The following PLXNA2 variants were observed in gnomAD, a reference collection of about 807,000 sequenced individuals.
The protein encoded by PLXNA2 is plexin-A2.
Under a neutral mutation model 193.5 loss-of-function variants are expected in PLXNA2, and 91 were observed. The observed-to-expected ratio is 0.47, with a 90% CI of 0.40 to 0.56. PLXNA2 has a LOEUF of 0.56. PLXNA2 is among the 20% of genes least tolerant of loss of function. The probability of loss-of-function intolerance (pLI) is 0.00; values close to 1 mark genes in which losing one functional copy is unlikely to be tolerated. For synonymous variants in PLXNA2, 997 were observed against 1,027.3 expected (o/e 0.97, Z 0.56); for missense variants, 1,995 against 2,503.2 (o/e 0.80, Z 4.33).
At chr1:208,169,706 G>T (rs1669431024) in intron 3 of PLXNA2, among the ~76,000 whole-genome samples, 1 of 152,170 alleles carries the variant, frequency 6.6e-6, no homozygotes, top group Non-Finnish European at 1.5e-5. Flanking sequence ...GAGAAAAGGG[G>T]CTTCTATCAG....
intron 4 of PLXNA2, among the ~76,000 whole-genome samples, chr1:208,109,585 A>G (rs1354976620): frequency 6.6e-6 from 1 of 152,188 alleles, no homozygotes; most frequent in Non-Finnish European, 1.5e-5. Context: ...AAGAGAGGAC[A>G]GGTATTGTTA....
chr1:208,058,945 C>A lies in PLXNA2; in HGVS notation c.2738+1741G>T, dbSNP rs150152094. Among the ~76,000 whole-genome samples the A allele has an allele frequency of 7.9e-5, 12 of 152,310 alleles. No homozygotes were observed. The East Asian group carries it at 1.7e-3, about 22-fold the overall frequency. On this transcript the variant is annotated intron_variant, in intron 13 of 31. Coordinates refer to ENST00000367033, the MANE Select transcript of PLXNA2 (RefSeq NM_025179.4). ...GTCTAAAACACGGTTTCATTCCAAA[C>A]CTCATGTGATTCTGAGGGCCAGTTG...
chr1:208,180,003 C>A (rs762406336), intron 3 of PLXNA2, among the ~76,000 whole-genome samples: 1 of 152,146 alleles, frequency 6.6e-6, no homozygotes, highest in Non-Finnish European at 1.5e-5. Flanking sequence ...CCCTGGGTCT[C>A]TCCCCTCTGG....
At chr1:208,219,417 G>A (rs537673575) in intron 1 of PLXNA2, among the ~76,000 whole-genome samples, 1 of 152,206 alleles carries the variant, frequency 6.6e-6, no homozygotes, top group African/African-American at 2.4e-5. Context: ...AGAAGGCAGC[G>A]AGCTGTCCGG....
intron 3 of PLXNA2, among the ~76,000 whole-genome samples, chr1:208,177,853 G>A (rs1191341939): frequency 6.6e-6 from 1 of 152,240 alleles, no homozygotes; most frequent in Non-Finnish European, 1.5e-5. Context: ...CCAGCAATTT[G>A]CGTTTTAACA....
chr1:208,192,496 T>C (rs1267970479), intron 3 of PLXNA2, among the ~76,000 whole-genome samples: 1 of 151,744 alleles, frequency 6.6e-6, no homozygotes, highest in Non-Finnish European at 1.5e-5. Flanking sequence ...CTAGAAGAAA[T>C]AGATAGATGA....
Position 208,234,013 on chromosome 1 carries a change from C to T in PLXNA2, c.-81+9630G>A, listed in dbSNP as rs1022708384. 2.0e-5 allele frequency among the ~76,000 whole-genome samples: 3 copies of T among 152,134 alleles called. No homozygotes were observed. In the South Asian group the frequency reaches 6.2e-4, roughly 32 times the overall value. On this transcript the variant is annotated intron_variant, in intron 1 of 31. Coordinates refer to ENST00000367033, the MANE Select transcript of PLXNA2 (RefSeq NM_025179.4). ...GTTCTCACAGGGAATACTGCTTCAT[C>T]GTGAGATGCCTGTCTGCTCTAAACC...
In PLXNA2 at chr1:208,090,390, A is replaced by G. The variant is rs145859615; in HGVS notation, c.2097+2396T>C. 1.3e-3 allele frequency among the ~76,000 whole-genome samples: 200 copies of G among 152,268 alleles called. 2 individuals are homozygous for G. Among genetic ancestry groups the G allele is most frequent in the African/African-American group, 4.6e-3 (193 of 41,544 alleles). Reference sequence around the variant, plus strand: ...AGTTTGCCCCTAGGTCCCTTTTGGTATTAATTTAATCCCGAGTTGCAGGGA... The same window carrying G: ...AGTTTGCCCCTAGGTCCCTTTTGGTGTTAATTTAATCCCGAGTTGCAGGGA... On this transcript the variant is annotated intron_variant, in intron 9 of 31. Coordinates refer to ENST00000367033, the MANE Select transcript of PLXNA2 (RefSeq NM_025179.4).
intron 3 of PLXNA2, among the ~76,000 whole-genome samples, chr1:208,166,729 T>C (rs543061628): frequency 1.3e-5 from 2 of 152,292 alleles, no homozygotes; most frequent in East Asian, 1.9e-4. Flanking sequence ...GAGAACTTCA[T>C]GCATTGATGT....
chr1:208,143,761 T>A (rs1668527413), intron 3 of PLXNA2, among the ~76,000 whole-genome samples: 1 of 152,308 alleles, frequency 6.6e-6, no homozygotes, highest in East Asian at 1.9e-4. Flanking sequence ...TGTCCTAGGA[T>A]AATCAATTGA....
intron 3 of PLXNA2, among the ~76,000 whole-genome samples, chr1:208,201,605 G>C (rs534383879): frequency 4.6e-5 from 7 of 152,204 alleles, no homozygotes; most frequent in Admixed American, 1.3e-4. Context: ...CAGGGAAGAA[G>C]TGGGGTTTTG....
intron 11 of PLXNA2, 144 bp from the exon 12 acceptor site, chr1:208,079,594 C>T: frequency 1.6e-6 from 1 of 631,068 alleles, no homozygotes; most frequent in South Asian, 2.1e-5. Flanking sequence ...GCAAGAATGA[C>T]TGAGGAATTA....
At chr1:208,099,291 T>A (rs750875627) in intron 5 of PLXNA2, among the ~76,000 whole-genome samples, 1 of 152,042 alleles carries the variant, frequency 6.6e-6, no homozygotes, top group Non-Finnish European at 1.5e-5. Context: ...AAGGAAGGAA[T>A]GAAGGGATTT....
chr1:208,142,188 C>T, intron 4 of PLXNA2, 141 bp downstream of exon 4: 1 of 888,612 alleles, frequency 1.1e-6, no homozygotes, highest in Non-Finnish European at 1.6e-6. Context: ...CAAAAGCCTA[C>T]AGGCACTCTG....
At chr1:208,090,755 C>A (rs1288781103) in intron 9 of PLXNA2, among the ~76,000 whole-genome samples, 1 of 152,114 alleles carries the variant, frequency 6.6e-6, no homozygotes, top group East Asian at 1.9e-4. Flanking sequence ...GTCCTGGGGG[C>A]CACCTCAATC....
intron 13 of PLXNA2, among the ~76,000 whole-genome samples, chr1:208,055,620 G>C (rs1665405525): frequency 6.6e-6 from 1 of 152,140 alleles, no homozygotes; most frequent in South Asian, 2.1e-4. Flanking sequence ...CAGAAAAACA[G>C]ACCCCATCTC....
chr1:208,224,433 C>T (rs1284371833), intron 1 of PLXNA2, among the ~76,000 whole-genome samples: 4 of 151,050 alleles, frequency 2.6e-5, no homozygotes, highest in Non-Finnish European at 5.9e-5. Flanking sequence ...GCAGGAGGTA[C>T]GATTAGTCTT....
At chr1:208,057,742 G>T (rs1665481943) in intron 13 of PLXNA2, among the ~76,000 whole-genome samples, 1 of 152,142 alleles carries the variant, frequency 6.6e-6, no homozygotes, top group East Asian at 1.9e-4. Context: ...TGGGAAGTTG[G>T]ACCAAACAGC....
At chr1:208,083,886 C>T (rs1456175941) in intron 10 of PLXNA2, among the ~76,000 whole-genome samples, 3 of 151,796 alleles carry the variant, frequency 2.0e-5, no homozygotes, top group Non-Finnish European at 4.4e-5. Context: ...GCCTGTGGAG[C>T]ACCCTCCTGG....
Sources: gnomAD v4.1 joint callset for allele counts (sites outside exome capture counted in the v4.1 genomes callset) on GRCh38, gnomAD v4.1.1 for gene constraint, MANE v1.5 for transcripts, NCBI Gene and HGNC (gene_info 2026-07-23, HGNC 2026-07-21) for gene names.